HCN1: variants seen among roughly 807,000 people sequenced by gnomAD.
HCN1 encodes the protein hyperpolarization activated cyclic nucleotide gated potassium channel 1.
Under a neutral mutation model 78.9 loss-of-function variants are expected in HCN1, and 13 were observed. The observed-to-expected ratio is 0.16, with a 90% confidence interval of 0.11 to 0.26. HCN1 has a LOEUF of 0.26. HCN1 is among the 10% of genes least tolerant of loss of function. The probability of loss-of-function intolerance (pLI) is 1.00; values close to 1 mark genes in which losing one functional copy is unlikely to be tolerated. For missense variants in HCN1, 810 were observed against 1,154.3 expected (o/e 0.70, Z 4.32); for synonymous variants, 552 against 455.5 (o/e 1.21, Z -2.70).
intron 1 of HCN1, among the ~76,000 whole-genome samples, chr5:45,692,706 G>A (rs1333938061): frequency 2.6e-5 from 4 of 151,988 alleles, no homozygotes; most frequent in Non-Finnish European, 4.4e-5. Flanking sequence ...GGCTCTGGTG[G>A]GGAAAAGAGG....
intron 5 of HCN1, among the ~76,000 whole-genome samples, chr5:45,314,376 A>G (rs1003315865): frequency 6.6e-6 from 1 of 152,194 alleles, no homozygotes; most frequent in Non-Finnish European, 1.5e-5. Context: ...TAAACATGGA[A>G]AGGAACGACC....
At chr5:45,371,336 A>T (rs2112004537) in intron 4 of HCN1, among the ~76,000 whole-genome samples, 1 of 152,164 alleles carries the variant, frequency 6.6e-6, no homozygotes, top group Non-Finnish European at 1.5e-5. Context: ...TGAATCCTGG[A>T]GTTGGTTCCT....
At chr5:45,464,055 C>T (rs897387004) in intron 2 of HCN1, among the ~76,000 whole-genome samples, 5 of 152,044 alleles carry the variant, frequency 3.3e-5, no homozygotes, top group Non-Finnish European at 5.9e-5. Context: ...GAACTAGCAT[C>T]GATTCTTGGT....
intron 2 of HCN1, among the ~76,000 whole-genome samples, chr5:45,480,750 A>AT (rs1359433600): frequency 1.3e-5 from 2 of 152,142 alleles, no homozygotes; most frequent in Admixed American, 1.3e-4. Flanking sequence ...GTCCCTGATC[A>AT]TTTTTCCAGA....
chr5:45,467,833 A>C lies in HCN1; in HGVS notation c.850-5826T>G, dbSNP rs555457067. Among the ~76,000 whole-genome samples the C allele has an allele frequency of 1.7e-3, 253 of 151,902 alleles. 1 individual carries two copies. Among genetic ancestry groups the C allele is most frequent in the African/African-American group, 5.9e-3 (244 of 41,524 alleles). ...AAAACAATAAAATCTCTCAATTCCT[A>C]AAAAACATTTTAATTGAAAAAGAAT... On this transcript the variant is annotated intron_variant, in intron 2 of 7. Coordinates refer to ENST00000303230, the MANE Select transcript of HCN1 (RefSeq NM_021072.4).
intron 2 of HCN1, among the ~76,000 whole-genome samples, chr5:45,463,689 AG>A (rs1001246145): frequency 2.9e-4 from 44 of 152,194 alleles, no homozygotes; most frequent in African/African-American, 1.0e-3. Context: ...TCTCATTAAA[AG>A]TTATATAATA....
intron 3 of HCN1, among the ~76,000 whole-genome samples, chr5:45,454,580 A>C (rs1579905847): frequency 6.6e-6 from 1 of 152,086 alleles, no homozygotes; most frequent in East Asian, 1.9e-4. Context: ...ACAATTTCTA[A>C]GCCATAGAAA....
chr5:45,387,624 G>T (rs1466299132), intron 4 of HCN1, among the ~76,000 whole-genome samples: 1 of 151,868 alleles, frequency 6.6e-6, no homozygotes, highest in Admixed American at 6.6e-5. Context: ...CTTAAGAGAA[G>T]ATAGCAATTT....
chr5:45,585,882 G>T (rs943878168), intron 2 of HCN1, among the ~76,000 whole-genome samples: 1 of 152,156 alleles, frequency 6.6e-6, no homozygotes, highest in Non-Finnish European at 1.5e-5. Context: ...TCGTTCCTCT[G>T]GAAGTTTTGT....
chr5:45,374,228 T>A (rs1355798424), intron 4 of HCN1, among the ~76,000 whole-genome samples: 1 of 118,956 alleles, frequency 8.4e-6, no homozygotes, highest in East Asian at 2.1e-4. Context: ...GTACATTATA[T>A]ACATAACATA....
At chr5:45,424,019 T>G (rs993805527) in intron 3 of HCN1, among the ~76,000 whole-genome samples, 49 of 148,218 alleles carry the variant, frequency 3.3e-4, no homozygotes, top group Admixed American at 3.5e-4. Context: ...CTCATGCCTG[T>G]AATCCCAGCA....
At chr5:45,664,216 C>A (rs1409145064) in intron 1 of HCN1, among the ~76,000 whole-genome samples, 1 of 88,644 alleles carries the variant, frequency 1.1e-5, no homozygotes, top group Non-Finnish European at 2.2e-5. Flanking sequence ...GAACAAAAAA[C>A]CAAACACCGC....
At chr5:45,548,013 A>T (rs967580785) in intron 2 of HCN1, among the ~76,000 whole-genome samples, 2 of 151,856 alleles carry the variant, frequency 1.3e-5, no homozygotes, top group Non-Finnish European at 1.5e-5. Flanking sequence ...CCTTTGGTTG[A>T]CCAGAATAAA....
At chr5:45,640,964 A>G (rs370694327) in intron 2 of HCN1, among the ~76,000 whole-genome samples, 2 of 152,120 alleles carry the variant, frequency 1.3e-5, no homozygotes, top group East Asian at 3.9e-4. Flanking sequence ...CTGAAACACA[A>G]ACAGAAAAGA....
At chr5:45,263,899 T>C (rs907732952) in intron 7 of HCN1, among the ~76,000 whole-genome samples, 1 of 152,180 alleles carries the variant, frequency 6.6e-6, no homozygotes, top group African/African-American at 2.4e-5. Context: ...GTTCATGCCA[T>C]TCTCCTGCCT....
At chr5:45,414,326 T>C (rs975948113) in intron 3 of HCN1, among the ~76,000 whole-genome samples, 1 of 152,038 alleles carries the variant, frequency 6.6e-6, no homozygotes. Flanking sequence ...AAACCTGGGT[T>C]ACTCTCAATT....
At chr5:45,375,445 C>A (rs1346185546) in intron 4 of HCN1, among the ~76,000 whole-genome samples, 9 of 105,214 alleles carry the variant, frequency 8.6e-5, no homozygotes, top group East Asian at 2.6e-4. Context: ...TATATAAGAT[C>A]ATATTTTATG....
intron 2 of HCN1, among the ~76,000 whole-genome samples, chr5:45,639,594 A>T (rs891112896): frequency 6.6e-6 from 1 of 152,200 alleles, no homozygotes. Context: ...AATATAATTG[A>T]TATTTAAAAT....
intron 2 of HCN1, among the ~76,000 whole-genome samples, chr5:45,580,248 T>C (rs184310581): frequency 2.6e-4 from 40 of 152,180 alleles, no homozygotes; most frequent in South Asian, 1.5e-3. Context: ...TAAGGGCCCA[T>C]TGTAGTCACA....
Sources: gnomAD v4.1 joint callset for allele counts (sites outside exome capture counted in the v4.1 genomes callset) on GRCh38, gnomAD v4.1.1 for gene constraint, MANE v1.5 for transcripts, NCBI Gene and HGNC (gene_info 2026-07-23, HGNC 2026-07-21) for gene names.